LOC128092253: variants seen among roughly 807,000 people sequenced by gnomAD.
At chr6:133,954,788 C>T in the LOC128092253 span, among the ~76,000 whole-genome samples, 10 of 152,330 alleles carry the variant, frequency 6.6e-5, no homozygotes, top group Admixed American at 5.2e-4. Context: ...TCCCCAGCCT[C>T]CTCTTTACGT....
At chr6:133,961,853 A>G in the LOC128092253 span, among the ~76,000 whole-genome samples, 2 of 152,066 alleles carry the variant, frequency 1.3e-5, no homozygotes, top group African/African-American at 2.4e-5. Flanking sequence ...CGTTTCCTTT[A>G]TAACATAGAT....
At chr6:133,957,169 T>TA in the LOC128092253 span, among the ~76,000 whole-genome samples, 10 of 151,712 alleles carry the variant, frequency 6.6e-5, no homozygotes, top group Non-Finnish European at 1.2e-4. Flanking sequence ...TAAATGTTTT[T>TA]AAAAAAAAAC....
the LOC128092253 span, among the ~76,000 whole-genome samples, chr6:133,964,745 G>C: frequency 6.6e-6 from 1 of 152,226 alleles, no homozygotes; most frequent in South Asian, 2.1e-4. Context: ...ACCATGCCCG[G>C]CCGAACTCTG....
the LOC128092253 span, among the ~76,000 whole-genome samples, chr6:133,953,899 C>T: frequency 6.6e-6 from 1 of 152,000 alleles, no homozygotes; most frequent in East Asian, 1.9e-4. Flanking sequence ...AAAGCGGCTT[C>T]GTCGGTTTCT....
the LOC128092253 span, among the ~76,000 whole-genome samples, chr6:133,955,509 G>A: frequency 6.6e-6 from 1 of 151,804 alleles, no homozygotes; most frequent in African/African-American, 2.4e-5. Flanking sequence ...TTTTCCTTCT[G>A]TACCCTCCTC....
chr6:133,967,572 C>G, the LOC128092253 span, among the ~76,000 whole-genome samples: 1 of 152,178 alleles, frequency 6.6e-6, no homozygotes, highest in Non-Finnish European at 1.5e-5. Context: ...TACTACACAC[C>G]TGGGCTATGT....
chr6:133,971,147 T>C, the LOC128092253 span, among the ~76,000 whole-genome samples: 1 of 136,972 alleles, frequency 7.3e-6, no homozygotes, highest in Non-Finnish European at 1.6e-5. Context: ...ATGATAACAC[T>C]TTTTTTTTTT....
the LOC128092253 span, among the ~76,000 whole-genome samples, chr6:133,967,473 G>A: frequency 9.2e-5 from 14 of 152,266 alleles, no homozygotes; most frequent in Admixed American, 7.8e-4. Context: ...GTCATGCATC[G>A]CTTAATGACA....
At chr6:133,963,880 A>C in the LOC128092253 span, among the ~76,000 whole-genome samples, 8 of 151,618 alleles carry the variant, frequency 5.3e-5, no homozygotes, top group South Asian at 6.2e-4. Flanking sequence ...AATACAAAAA[A>C]AAAAAAAAAA....
the LOC128092253 span, among the ~76,000 whole-genome samples, chr6:133,959,561 A>G: frequency 1.3e-5 from 2 of 152,050 alleles, no homozygotes; most frequent in African/African-American, 4.8e-5. Flanking sequence ...GGCTCACTGC[A>G]ACCTCCATCT....
At chr6:133,955,525 T>C in the LOC128092253 span, among the ~76,000 whole-genome samples, 2 of 152,188 alleles carry the variant, frequency 1.3e-5, no homozygotes, top group Admixed American at 1.3e-4. Flanking sequence ...TCCTCTTTAT[T>C]TGGAAAATTG....
the LOC128092253 span, among the ~76,000 whole-genome samples, chr6:133,957,746 G>A: frequency 6.6e-6 from 1 of 152,200 alleles, no homozygotes; most frequent in Non-Finnish European, 1.5e-5. Flanking sequence ...ACTGCCCTGA[G>A]CCCCAGTTTC....
chr6:133,969,011 A>C, the LOC128092253 span: 82 of 152,352 alleles, frequency 5.4e-4, no homozygotes, highest in African/African-American at 1.9e-3. Flanking sequence ...TCGTCGAAAC[A>C]GTGAGAATCT....
the LOC128092253 span, among the ~76,000 whole-genome samples, chr6:133,979,229 G>A: frequency 2.0e-5 from 3 of 152,126 alleles, no homozygotes; most frequent in African/African-American, 4.8e-5. Flanking sequence ...GTGTATAGGT[G>A]TTCAGAAAGA....
chr6:133,961,983 C>T, the LOC128092253 span, among the ~76,000 whole-genome samples: 6 of 152,056 alleles, frequency 3.9e-5, no homozygotes, highest in Non-Finnish European at 5.9e-5. Flanking sequence ...AGTGTCTACC[C>T]GCAGAGCTTG....
chr6:133,956,251 C>T, the LOC128092253 span, among the ~76,000 whole-genome samples: 1 of 152,138 alleles, frequency 6.6e-6, no homozygotes, highest in Non-Finnish European at 1.5e-5. Context: ...CTGGTGTTTT[C>T]AAATTTTAGC....
At chr6:133,954,205 TCTGA>T in the LOC128092253 span, among the ~76,000 whole-genome samples, 4 of 152,250 alleles carry the variant, frequency 2.6e-5, no homozygotes, top group African/African-American at 7.2e-5. Flanking sequence ...CTGTGAGCTC[TCTGA>T]CTGCATCTGT....
chr6:133,972,211 A>T, the LOC128092253 span, among the ~76,000 whole-genome samples: 1 of 152,224 alleles, frequency 6.6e-6, no homozygotes, highest in East Asian at 1.9e-4. Context: ...CTCTAAAAAA[A>T]GTCTGTCTAC....
At chr6:133,967,807 T>C in the LOC128092253 span, among the ~76,000 whole-genome samples, 1 of 152,180 alleles carries the variant, frequency 6.6e-6, no homozygotes, top group South Asian at 2.1e-4. Context: ...GGAAAATCAA[T>C]TAATTCAGTA....
Sources: allele counts gnomAD v4.1 joint callset (sites outside exome capture counted in the v4.1 genomes callset), GRCh38; gene constraint gnomAD v4.1.1; transcripts MANE v1.5.